The following SGCZ variants were observed in gnomAD, a reference collection of about 807,000 sequenced individuals.
SGCZ encodes the protein zeta-sarcoglycan.
A neutral mutation model predicts 41.3 loss-of-function variants in SGCZ; 40 were observed. The observed-to-expected ratio is 0.97, with a 90% CI of 0.75 to 1.26. The LOEUF (loss-of-function observed/expected upper bound fraction) is 1.26, where lower values mean the gene tolerates loss of function less well. Ranked by LOEUF, SGCZ falls within the 50% of genes most tolerant of loss-of-function variation. The pLI is 0.00. For missense variants in SGCZ, 552 were observed against 369.8 expected (o/e 1.49, Z -4.04); for synonymous variants, 206 against 137.5 (o/e 1.50, Z -3.49).
chr8:14,811,043 T>A (rs1801722748), intron 1 of SGCZ, among the ~76,000 whole-genome samples: 2 of 152,014 alleles, frequency 1.3e-5, no homozygotes, highest in Admixed American at 1.3e-4. Context: ...TTAACTGTAG[T>A]GTCCTGAAAT....
rs778310295 is a variant in SGCZ at position 14,689,184 on chromosome 8, G to A, written c.40-134258C>T. Among the ~76,000 whole-genome samples the A allele has an allele frequency of 1.1e-4, 16 of 151,800 alleles. 1 individual carries two copies. In the South Asian group the frequency reaches 3.3e-3, roughly 32 times the overall value. The stretch of plus-strand genomic sequence containing the variant: ...TGAGATGAATATCAAAAGAAAAAAG[G>A]GCTTATGCTTTTATACACTAATTTT... On this transcript the variant is annotated intron_variant, in intron 1 of 7. Coordinates refer to ENST00000382080, the MANE Select transcript of SGCZ (RefSeq NM_139167.4).
At position 14,596,739 on chromosome 8, in the gene SGCZ, A is replaced by G. The variant is rs1296480558; in HGVS notation, c.40-41813T>C. On this transcript the variant is annotated intron_variant, in intron 1 of 7. Transcript: ENST00000382080. ...AAATCATGTGGGGCTTAAAACCTAGATGATGCGTTGACAGGTGCAGCAAAC... is the reference window on the plus strand; with the variant it reads ...AAATCATGTGGGGCTTAAAACCTAGGTGATGCGTTGACAGGTGCAGCAAAC... Among the ~76,000 whole-genome samples, 9 of 152,208 alleles carry G rather than the reference A, an allele frequency of 5.9e-5. No homozygotes were observed. In the East Asian group the frequency reaches 1.4e-3, roughly 23 times the overall value.
intron 1 of SGCZ, among the ~76,000 whole-genome samples, chr8:15,211,981 G>A (rs977807459): frequency 4.6e-5 from 7 of 152,052 alleles, no homozygotes; most frequent in African/African-American, 1.7e-4. Flanking sequence ...TTAAGAAAGG[G>A]AACAAATGAA....
intron 1 of SGCZ, among the ~76,000 whole-genome samples, chr8:14,927,123 T>C (rs1285463298): frequency 1.4e-5 from 2 of 144,352 alleles, no homozygotes; most frequent in African/African-American, 5.2e-5. Context: ...TTTTTTTTTT[T>C]TGTGAGGCAG....
intron 1 of SGCZ, among the ~76,000 whole-genome samples, chr8:14,632,071 T>G (rs964777285): frequency 6.6e-6 from 1 of 152,034 alleles, no homozygotes; most frequent in African/African-American, 2.4e-5. Context: ...GTTGAAAGAG[T>G]GCAGTGGCAC....
At chr8:14,834,455 A>G (rs900059253) in intron 1 of SGCZ, among the ~76,000 whole-genome samples, 2 of 152,194 alleles carry the variant, frequency 1.3e-5, no homozygotes, top group African/African-American at 4.8e-5. Context: ...CGCAGACTGA[A>G]TGAGGTCCCT....
intron 1 of SGCZ, among the ~76,000 whole-genome samples, chr8:14,672,658 T>A (rs1007355815): frequency 6.6e-6 from 1 of 152,110 alleles, no homozygotes; most frequent in African/African-American, 2.4e-5. Context: ...GGAAACAGTG[T>A]TTGAATGAAG....
intron 2 of SGCZ, among the ~76,000 whole-genome samples, chr8:14,519,804 A>G (rs931541171): frequency 1.3e-5 from 2 of 152,064 alleles, no homozygotes; most frequent in Non-Finnish European, 2.9e-5. Context: ...TCATTGTTAC[A>G]CTTTCTAACA....
intron 2 of SGCZ, among the ~76,000 whole-genome samples, chr8:14,529,803 T>C (rs1803069325): frequency 6.6e-6 from 1 of 152,100 alleles, no homozygotes. Flanking sequence ...ACTTAACTCC[T>C]TAAGCAGCCC....
intron 4 of SGCZ, among the ~76,000 whole-genome samples, chr8:14,170,113 T>C (rs1464980621): frequency 6.6e-6 from 1 of 152,050 alleles, no homozygotes; most frequent in Non-Finnish European, 1.5e-5. Flanking sequence ...TTATTCTCTG[T>C]ATCTCTCATC....
rs185800961 is a variant in SGCZ, at chr8:14,374,804, G to C, written c.235-50600C>G. ...TGAATGAACCATATAATTTAAGCCA[G>C]GAATGGATGTGGAAAAACATTATGG... On this transcript the variant is annotated intron_variant, in intron 2 of 7. Coordinates refer to ENST00000382080, the MANE Select transcript of SGCZ (RefSeq NM_139167.4). 2.2e-3 allele frequency among the ~76,000 whole-genome samples: 338 copies of C among 152,250 alleles called. 3 individuals carry two copies. Among genetic ancestry groups the C allele is most frequent in the African/African-American group, 7.8e-3 (325 of 41,566 alleles).
intron 2 of SGCZ, among the ~76,000 whole-genome samples, chr8:14,395,240 C>T (rs1349275677): frequency 6.6e-6 from 1 of 152,100 alleles, no homozygotes; most frequent in Non-Finnish European, 1.5e-5. Context: ...CTATATTAAA[C>T]ATAGCCTTTG....
chr8:14,588,882 G>C (rs940943956), intron 1 of SGCZ, among the ~76,000 whole-genome samples: 1 of 152,114 alleles, frequency 6.6e-6, no homozygotes, highest in South Asian at 2.1e-4. Context: ...TCTAATTAAA[G>C]GGAAAATAAT....
intron 2 of SGCZ, among the ~76,000 whole-genome samples, chr8:14,346,446 G>T (rs189679277): frequency 6.6e-6 from 1 of 151,886 alleles, no homozygotes; most frequent in Non-Finnish European, 1.5e-5. Context: ...ATAATAAAAT[G>T]GTGAAAAAGA....
At chr8:15,135,784 G>A (rs963017475) in intron 1 of SGCZ, among the ~76,000 whole-genome samples, 4 of 152,130 alleles carry the variant, frequency 2.6e-5, no homozygotes, top group African/African-American at 9.7e-5. Flanking sequence ...GGGTGAGCTG[G>A]TGGGGTTAGA....
At chr8:14,561,066 T>C (rs980168229) in intron 1 of SGCZ, among the ~76,000 whole-genome samples, 2 of 152,062 alleles carry the variant, frequency 1.3e-5, no homozygotes, top group African/African-American at 4.8e-5. Flanking sequence ...TAAATCTGAG[T>C]GTTTTTCAAG....
At chr8:14,729,603 C>T (rs959149225) in intron 1 of SGCZ, among the ~76,000 whole-genome samples, 4 of 152,112 alleles carry the variant, frequency 2.6e-5, no homozygotes, top group Admixed American at 6.5e-5. Flanking sequence ...ACCAACCTTG[C>T]TGGCACCTTG....
chr8:15,185,345 T>A (rs573608841), intron 1 of SGCZ, among the ~76,000 whole-genome samples: 38 of 152,332 alleles, frequency 2.5e-4, no homozygotes, highest in South Asian at 1.4e-3. Context: ...AATGTGTTGG[T>A]TTTTAACATA....
chr8:15,237,255 C>CT (rs201777517), intron 1 of SGCZ, among the ~76,000 whole-genome samples: 1 of 152,056 alleles, frequency 6.6e-6, no homozygotes, highest in African/African-American at 2.4e-5. Flanking sequence ...TGCCGCTGCC[C>CT]CCCCCGGGGA....
Sources: gnomAD v4.1 joint callset for allele counts (sites outside exome capture counted in the v4.1 genomes callset) on GRCh38, gnomAD v4.1.1 for gene constraint, MANE v1.5 for transcripts, NCBI Gene and HGNC (gene_info 2026-07-23, HGNC 2026-07-21) for gene names.